Variants in MYT1L observed in about 807,000 individuals in gnomAD.
The protein encoded by MYT1L is myelin transcription factor 1-like protein.
Under a neutral mutation model 126.7 loss-of-function variants are expected in MYT1L, and 12 were observed. The observed-to-expected ratio is 0.09, with a 90% CI of 0.06 to 0.15. The LOEUF is 0.15. Among genes scored for constraint, MYT1L ranks in the 10% least tolerant of loss-of-function variants. MYT1L has a pLI of 1.00. For missense variants in MYT1L, 979 were observed against 1,585.2 expected (o/e 0.62, Z 6.49); for synonymous variants, 541 against 604.2 (o/e 0.90, Z 1.53).
intron 2 of MYT1L, among the ~76,000 whole-genome samples, chr2:2,204,758 C>T (rs2093244649): frequency 6.6e-6 from 1 of 151,902 alleles, no homozygotes; most frequent in Admixed American, 6.6e-5. Context: ...CATCCCATTA[C>T]TGGGTATATA....
chr2:1,798,774 G>T (rs192029452), intron 23 of MYT1L, among the ~76,000 whole-genome samples: 2 of 152,216 alleles, frequency 1.3e-5, no homozygotes, highest in Non-Finnish European at 2.9e-5. Context: ...CAGGAAGGCC[G>T]AGGCCATCAG....
chr2:1,814,388 C>T (rs531533665), intron 21 of MYT1L, among the ~76,000 whole-genome samples: 1 of 152,330 alleles, frequency 6.6e-6, no homozygotes, highest in South Asian at 2.1e-4. Context: ...CGCAGCCTCC[C>T]GGGACGTGGA....
intron 2 of MYT1L, among the ~76,000 whole-genome samples, chr2:2,178,958 C>A (rs1278964575): frequency 6.6e-6 from 1 of 152,168 alleles, no homozygotes; most frequent in African/African-American, 2.4e-5. Flanking sequence ...GTCTTCAGGG[C>A]ACACGGGAGA....
intron 1 of MYT1L, among the ~76,000 whole-genome samples, chr2:2,327,515 G>A (rs1445656890): frequency 6.6e-6 from 1 of 152,150 alleles, no homozygotes; most frequent in Non-Finnish European, 1.5e-5. Context: ...CTTGAAATAG[G>A]AAAATGCATA....
intron 2 of MYT1L, among the ~76,000 whole-genome samples, chr2:2,185,978 C>G (rs1347538139): frequency 1.8e-5 from 2 of 112,816 alleles, no homozygotes; most frequent in African/African-American, 8.3e-5. Flanking sequence ...GCGTTCCTTC[C>G]TTGAGGGGGA....
chr2:2,328,269 A>C (rs1461119460), intron 1 of MYT1L, among the ~76,000 whole-genome samples: 1 of 152,228 alleles, frequency 6.6e-6, no homozygotes, highest in African/African-American at 2.4e-5. Flanking sequence ...ACAGTGAAAT[A>C]ATTGGGTATA....
intron 2 of MYT1L, among the ~76,000 whole-genome samples, chr2:2,209,391 C>T (rs2093425415): frequency 6.6e-6 from 1 of 152,112 alleles, no homozygotes; most frequent in Admixed American, 6.6e-5. Context: ...CTCCCCTACC[C>T]CCTGCCCCAC....
chr2:1,883,928 A>C (rs1214636908), intron 18 of MYT1L: 1 of 152,192 alleles, frequency 6.6e-6, no homozygotes, highest in Non-Finnish European at 1.5e-5. Context: ...TACATATTAT[A>C]CATAATTAGA....
chr2:2,180,197 A>G (rs1354508522), intron 2 of MYT1L, among the ~76,000 whole-genome samples: 2 of 152,144 alleles, frequency 1.3e-5, no homozygotes, highest in Non-Finnish European at 1.5e-5. Context: ...TAATGATAAT[A>G]GAGTTCACTT....
intron 3 of MYT1L, among the ~76,000 whole-genome samples, chr2:2,153,976 G>A (rs1340269621): frequency 1.3e-5 from 2 of 152,186 alleles, no homozygotes; most frequent in Non-Finnish European, 2.9e-5. Flanking sequence ...CAGACAGGCA[G>A]GCAAGTGAAG....
intron 17 of MYT1L, among the ~76,000 whole-genome samples, chr2:1,886,814 AATAAG>A (rs2048237822): frequency 6.6e-6 from 1 of 152,214 alleles, no homozygotes; most frequent in Non-Finnish European, 1.5e-5. Flanking sequence ...ATTGTTTAAA[AATAAG>A]ATAAAACATT....
intron 18 of MYT1L, among the ~76,000 whole-genome samples, chr2:1,876,279 C>T (rs542612801): frequency 6.6e-6 from 1 of 152,252 alleles, no homozygotes; most frequent in East Asian, 1.9e-4. Flanking sequence ...GGGCCTGAGC[C>T]CCAGAGTCTG....
intron 3 of MYT1L, among the ~76,000 whole-genome samples, chr2:2,103,497 A>G (rs2078359770): frequency 6.6e-6 from 1 of 152,248 alleles, no homozygotes; most frequent in South Asian, 2.1e-4. Context: ...CGGCCATTCA[A>G]CAACAGCTTG....
intron 2 of MYT1L, among the ~76,000 whole-genome samples, chr2:2,220,675 A>G (rs901423991): frequency 2.0e-5 from 3 of 152,172 alleles, no homozygotes; most frequent in South Asian, 2.1e-4. Context: ...GCAAAGAAGC[A>G]TGTTTTGGGT....
At chr2:1,974,642 G>A (rs1558596457) in intron 8 of MYT1L, 1 of 152,110 alleles carries the variant, frequency 6.6e-6, no homozygotes, top group African/African-American at 2.4e-5. Flanking sequence ...GGCAATGTGT[G>A]GGATGGAAAC....
At chr2:2,027,490 C>G (rs2065769932) in intron 4 of MYT1L, among the ~76,000 whole-genome samples, 1 of 152,158 alleles carries the variant, frequency 6.6e-6, no homozygotes, top group African/African-American at 2.4e-5. Context: ...GATGTACTGA[C>G]CGGATTCTGG....
chr2:2,205,722 A>G (rs1559334008), intron 2 of MYT1L, among the ~76,000 whole-genome samples: 2 of 152,144 alleles, frequency 1.3e-5, no homozygotes, highest in African/African-American at 4.8e-5. Flanking sequence ...ACCAGGGTTG[A>G]TATCCACCTA....
intron 18 of MYT1L, among the ~76,000 whole-genome samples, chr2:1,882,058 T>C (rs1158809901): frequency 6.6e-6 from 1 of 152,146 alleles, no homozygotes; most frequent in African/African-American, 2.4e-5. Flanking sequence ...CTCACATCCG[T>C]AAAATGGGTC....
chr2:2,049,647 CAT>C (rs1265699075), intron 4 of MYT1L, among the ~76,000 whole-genome samples: 3 of 152,186 alleles, frequency 2.0e-5, no homozygotes, highest in African/African-American at 7.2e-5. Flanking sequence ...ATAATTCCCA[CAT>C]GTTGTGGGAG....
Sources: allele counts gnomAD v4.1 joint callset (sites outside exome capture counted in the v4.1 genomes callset), GRCh38; gene constraint gnomAD v4.1.1; transcripts MANE v1.5; gene names NCBI Gene and HGNC (gene_info 2026-07-23, HGNC 2026-07-21).